Variants in GNA14 observed in about 807,000 individuals in gnomAD.
GNA14 encodes guanine nucleotide-binding protein subunit alpha-14.
In GNA14, 50 loss-of-function variants were observed where a neutral mutation model predicts 42.0. The observed-to-expected ratio is 1.19, with a 90% confidence interval of 0.95 to 1.51. The LOEUF (loss-of-function observed/expected upper bound fraction) is 1.51. Among genes scored for constraint, GNA14 ranks in the 40% most tolerant of loss-of-function variants. The pLI is 0.00. For synonymous variants in GNA14, 173 were observed against 163.1 expected (o/e 1.06, Z -0.46); for missense variants, 473 against 446.2 (o/e 1.06, Z -0.54).
chr9:77,538,829 G>A (rs1268306173), intron 1 of GNA14, among the ~76,000 whole-genome samples: 2 of 152,146 alleles, frequency 1.3e-5, no homozygotes, highest in African/African-American at 4.8e-5. Flanking sequence ...GTTTATTTTG[G>A]TGGTCTTTAG....
chr9:77,642,102 T>C (rs764577905), intron 1 of GNA14, among the ~76,000 whole-genome samples: 1 of 152,222 alleles, frequency 6.6e-6, no homozygotes, highest in African/African-American at 2.4e-5. Flanking sequence ...TGGAAGTGTT[T>C]ATAGATTGTG....
intron 2 of GNA14, among the ~76,000 whole-genome samples, chr9:77,478,282 GT>G (rs1836470692): frequency 6.6e-6 from 1 of 151,754 alleles, no homozygotes; most frequent in Non-Finnish European, 1.5e-5. Context: ...GCGGTGTTTG[GT>G]TTTTTGTCCT....
At chr9:77,435,283 G>A (rs953236116) in intron 2 of GNA14, among the ~76,000 whole-genome samples, 3 of 152,060 alleles carry the variant, frequency 2.0e-5, no homozygotes, top group African/African-American at 4.8e-5. Flanking sequence ...CTTGAACCCA[G>A]AAGGTGGAGG....
intron 2 of GNA14, among the ~76,000 whole-genome samples, chr9:77,461,905 G>T (rs185405725): frequency 1.3e-5 from 2 of 152,040 alleles, no homozygotes; most frequent in East Asian, 3.9e-4. Flanking sequence ...ATGCCTTATT[G>T]TGCACTTTAA....
chr9:77,507,013 T>C (rs1222401980), intron 2 of GNA14, among the ~76,000 whole-genome samples: 2 of 152,164 alleles, frequency 1.3e-5, no homozygotes, highest in Non-Finnish European at 2.9e-5. Flanking sequence ...GTGTACAGGA[T>C]AAAAATTCTA....
At chr9:77,490,661 G>A (rs956468285) in intron 2 of GNA14, among the ~76,000 whole-genome samples, 11 of 152,204 alleles carry the variant, frequency 7.2e-5, no homozygotes, top group African/African-American at 2.4e-4. Flanking sequence ...CAGCAGGGCC[G>A]GCCGGCCGCT....
At chr9:77,647,560 C>T in intron 1 of GNA14, 110 bp downstream of exon 1, 2 of 1,245,306 alleles carry the variant, frequency 1.6e-6, no homozygotes, top group Non-Finnish European at 2.2e-6. Flanking sequence ...AAGGACGAAG[C>T]CGCCCTGCAC....
At chr9:77,580,417 G>A (rs1168593343) in intron 1 of GNA14, 3 of 310,140 alleles carry the variant, frequency 9.7e-6, no homozygotes, top group Non-Finnish European at 2.0e-5. Flanking sequence ...AAGTTGTCTA[G>A]CCTTCTGTTC....
intron 1 of GNA14, among the ~76,000 whole-genome samples, chr9:77,617,629 G>A (rs1260286150): frequency 1.3e-5 from 2 of 151,760 alleles, no homozygotes; most frequent in African/African-American, 4.8e-5. Context: ...ACTTCTCCAC[G>A]CCAATCATGA....
intron 1 of GNA14, among the ~76,000 whole-genome samples, chr9:77,629,769 A>T (rs1824066757): frequency 6.6e-6 from 1 of 152,158 alleles, no homozygotes; most frequent in Non-Finnish European, 1.5e-5. Flanking sequence ...TAGAAGAAAT[A>T]CCTAATGTAG....
chr9:77,463,100 C>T (rs734468), intron 2 of GNA14, among the ~76,000 whole-genome samples: 57,567 of 151,952 alleles, frequency 0.38, 13,197 homozygotes, highest in East Asian at 0.74. Context: ...TCCTCTGCTG[C>T]GAATGCGAAG....
chr9:77,431,247 C>T, intron 4 of GNA14, 74 bp downstream of exon 4: 1 of 1,358,842 alleles, frequency 7.4e-7, no homozygotes, highest in African/African-American at 1.4e-5. Context: ...TTAGGAATAA[C>T]ACGTTTAAGA....
intron 1 of GNA14, among the ~76,000 whole-genome samples, chr9:77,561,008 C>T (rs1345338412): frequency 6.6e-6 from 1 of 152,186 alleles, no homozygotes; most frequent in Non-Finnish European, 1.5e-5. Context: ...CCTCTTCAGA[C>T]AAGTCTCTTG....
chr9:77,636,929 G>T (rs550874070), intron 1 of GNA14, among the ~76,000 whole-genome samples: 1 of 152,254 alleles, frequency 6.6e-6, no homozygotes, highest in East Asian at 1.9e-4. Context: ...CTAGAATATG[G>T]TTCCTCAGCA....
At chr9:77,461,044 G>C (rs1048946060) in intron 2 of GNA14, among the ~76,000 whole-genome samples, 1 of 152,220 alleles carries the variant, frequency 6.6e-6, no homozygotes, top group Non-Finnish European at 1.5e-5. Context: ...AGTTCCATTA[G>C]CTGTGATAAG....
chr9:77,560,140 T>G (rs1240535613), intron 1 of GNA14, among the ~76,000 whole-genome samples: 1 of 152,180 alleles, frequency 6.6e-6, no homozygotes, highest in African/African-American at 2.4e-5. Context: ...ACACTTTCGT[T>G]TTTTAAAAAC....
chr9:77,531,231 T>C (rs556605183), intron 1 of GNA14, among the ~76,000 whole-genome samples: 45 of 152,242 alleles, frequency 3.0e-4, no homozygotes, highest in South Asian at 1.7e-3. Flanking sequence ...CAATGAAGGA[T>C]TGAATGGAAC....
chr9:77,429,712 C>T (rs994549360), intron 4 of GNA14, among the ~76,000 whole-genome samples: 13 of 152,162 alleles, frequency 8.5e-5, no homozygotes, highest in Non-Finnish European at 1.5e-5. Flanking sequence ...CAGCCGGGGG[C>T]CCTGTCTACA....
At chr9:77,460,523 A>G (rs577249160) in intron 2 of GNA14, among the ~76,000 whole-genome samples, 1 of 152,346 alleles carries the variant, frequency 6.6e-6, no homozygotes, top group South Asian at 2.1e-4. Flanking sequence ...AAATTAATTC[A>G]TAAACCAACT....
Sources: allele counts gnomAD v4.1 joint callset (sites outside exome capture counted in the v4.1 genomes callset), GRCh38; gene constraint gnomAD v4.1.1; transcripts MANE v1.5; gene names NCBI Gene and HGNC (gene_info 2026-07-23, HGNC 2026-07-21).